The following TRPM6 variants were observed in gnomAD, a reference collection of about 807,000 sequenced individuals.
The protein encoded by TRPM6 is transient receptor potential cation channel subfamily M member 6, also known as channel kinase 2.
In TRPM6, 111 loss-of-function variants were observed where a neutral mutation model predicts 247.6. That is an observed-to-expected ratio of 0.45 (90% confidence interval 0.38 to 0.52). The LOEUF (loss-of-function observed/expected upper bound fraction) is 0.52. Ranked by LOEUF, TRPM6 falls within the 20% of genes least tolerant of loss-of-function variation. The pLI is 0.00. For missense variants in TRPM6, 2,126 were observed against 2,421.5 expected (o/e 0.88, Z 2.56); for synonymous variants, 892 against 853.8 (o/e 1.04, Z -0.78).
intron 17 of TRPM6, among the ~76,000 whole-genome samples, chr9:74,798,620 A>G (rs941894419): frequency 3.9e-5 from 6 of 152,094 alleles, no homozygotes; most frequent in Non-Finnish European, 8.8e-5. Context: ...TCCCATCCAC[A>G]TCTCTCTACA....
In TRPM6 at chr9:74,824,511, G is replaced by GAA. The variant is rs59044061; in HGVS notation, c.842-2676_842-2675dup. Among the ~76,000 whole-genome samples, 273 of 46,886 alleles carry GAA rather than the reference G, an allele frequency of 5.8e-3. 10 individuals carry two copies. The highest frequency in any genetic ancestry group is 0.022 in the Middle Eastern group (1 of 46). The allele number at this position is 46,886 out of a possible 152,430, so 30.8% of individuals were successfully genotyped here. On this transcript the variant is annotated intron_variant, in intron 7 of 38. Transcript: ENST00000360774. ...ATCAAATATATTTATGGCTTTTTCT[G>GAA]AAAAAAAAAAAAAAAAAAAAAAAAA... is the stretch of plus-strand genomic sequence containing the variant.
intron 36 of TRPM6, among the ~76,000 whole-genome samples, chr9:74,737,797 A>G (rs1825741934): frequency 6.6e-6 from 1 of 152,208 alleles, no homozygotes; most frequent in Admixed American, 6.5e-5. Context: ...GTTGACCTCA[A>G]TACATATTTT....
At chr9:74,732,499 T>A (rs879740307) in intron 37 of TRPM6, among the ~76,000 whole-genome samples, 186 bp downstream of exon 37, 24 of 152,198 alleles carry the variant, frequency 1.6e-4, no homozygotes, top group Non-Finnish European at 2.6e-4. Context: ...CATATTTCCA[T>A]ATTTTCCCCC....
rs1384868975 is a variant in TRPM6, at chr9:74,792,478, T to C, written c.2538+146A>G. 1.5e-5 allele frequency: 13 copies of C among 850,816 alleles called. No homozygotes were observed. In the African/African-American group the frequency reaches 2.0e-4, roughly 13 times the overall value. 52.7% of individuals were successfully genotyped at this position (850,816 alleles called of 1,614,324 possible). On this transcript the variant is annotated intron_variant, in intron 19 of 38. Transcript: ENST00000360774. The stretch of plus-strand genomic sequence containing the variant: ...TCTCCCTGCCTTCCTCCAGTCCTCT[T>C]TGCTACCTACTTTGTCATGCCCTCA...
In TRPM6 at chr9:74,738,515, T is replaced by G. The variant is rs758762067; in HGVS notation, c.5668A>C (p.Asn1890His). The change falls in exon 36 of 39, where the codon AAT (asparagine) becomes CAT (histidine). Residue 1890 changes from asparagine to histidine, a missense_variant. By Grantham distance (68) the Asn-to-His change is moderately conservative. This residue lies in a region of TRPM6 where 327 missense variants were observed against 397.7 expected (regional missense o/e 0.82). Transcript: ENST00000360774. ...TTGGTGGGGGTGATTTCATCACCATTGTTGTTGTTATACTTCCGGAACTCC... is the reference window on the plus strand; with the variant it reads ...TTGGTGGGGGTGATTTCATCACCATGGTTGTTGTTATACTTCCGGAACTCC... The part of the protein sequence containing the change: ...TGEFRKYNNN[N>H]GDEITPTNTL... 6.2e-7 allele frequency: 1 copy of G among 1,613,976 alleles called. No individual in the cohort carries two copies. Among genetic ancestry groups the G allele is most frequent in the African/African-American group, 1.3e-5 (1 of 74,906 alleles).
chr9:74,744,156 A>C lies in TRPM6; in HGVS notation c.5084-11T>G. ...AGGAGGCTGAGATCTCTGAAATTAG[A>C]GAGGAGATTGGCATTTTAATTACAT... is the stretch of plus-strand genomic sequence containing the variant. On this transcript the variant is annotated splice_polypyrimidine_tract_variant and intron_variant, in intron 31 of 38. Coordinates refer to ENST00000360774, the MANE Select transcript of TRPM6 (RefSeq NM_017662.5). 1 of 1,613,708 alleles carries C rather than the reference A, an allele frequency of 6.2e-7. No individual in the cohort carries two copies. Among genetic ancestry groups the C allele is most frequent in the Non-Finnish European group, 8.5e-7 (1 of 1,179,678 alleles).
chr9:74,864,995 C>G (rs889738785), intron 1 of TRPM6, among the ~76,000 whole-genome samples: 1 of 151,618 alleles, frequency 6.6e-6, no homozygotes, highest in African/African-American at 2.4e-5. Flanking sequence ...ATCGCTTGAA[C>G]CCAGGAGGTG....
intron 26 of TRPM6, 92 bp from the exon 27 acceptor site, chr9:74,761,900 C>T (rs910280223): frequency 1.0e-5 from 15 of 1,506,394 alleles, no homozygotes; most frequent in African/African-American, 1.4e-5. Context: ...GGGAGAATGA[C>T]AATGTGGTTA....
At position 74,737,412 on chromosome 9, in the gene TRPM6, C is replaced by T. The variant is rs983045508; in HGVS notation, c.5776+995G>A. ...GCTTATCTCTACATTCTCCAACCTC[C>T]AAGCCTGGCTTTCAGCATAGAATCC... On this transcript the variant is annotated intron_variant, in intron 36 of 38. Transcript: ENST00000360774. 4.7e-6 allele frequency: 6 copies of T among 1,289,770 alleles called. No homozygotes were observed. In the African/African-American group the frequency reaches 7.6e-5, roughly 16 times the overall value. 79.9% of individuals were successfully genotyped at this position (1,289,770 alleles called of 1,614,324 possible).
chr9:74,851,749 A>T (rs1474914501), intron 3 of TRPM6, among the ~76,000 whole-genome samples: 1 of 99,882 alleles, frequency 1.0e-5, no homozygotes, highest in Non-Finnish European at 2.2e-5. Flanking sequence ...ACTTTGTCTC[A>T]AAAAAAAAAA....
chr9:74,884,057 G>T (rs963678046), intron 1 of TRPM6, among the ~76,000 whole-genome samples: 1 of 152,222 alleles, frequency 6.6e-6, no homozygotes, highest in African/African-American at 2.4e-5. Context: ...GCTGAGGCAG[G>T]AGAATCGCTT....
At chr9:74,772,314 G>A (rs905030633) in intron 24 of TRPM6, among the ~76,000 whole-genome samples, 1 of 152,150 alleles carries the variant, frequency 6.6e-6, no homozygotes, top group African/African-American at 2.4e-5. Context: ...GGAAACACCA[G>A]CCTGGGTCTC....
At position 74,842,046 on chromosome 9, in the gene TRPM6, G is replaced by A. The variant is rs1164440384; in HGVS notation, c.330+120C>T. The A allele has an allele frequency of 1.0e-5, 11 of 1,090,782 alleles. No individual in the cohort carries two copies. In the Admixed American group the frequency reaches 2.0e-4, roughly 20 times the overall value. 67.6% of individuals were successfully genotyped at this position (1,090,782 alleles called of 1,614,324 possible). ...GAATCACTTGAACCCGGGAGGCAGA[G>A]GTTGCAGTGCGCCGAGATCGTGCCA... On this transcript the variant is annotated intron_variant, in intron 4 of 38. Coordinates refer to ENST00000360774, the MANE Select transcript of TRPM6 (RefSeq NM_017662.5).
chr9:74,827,957 A>T lies in TRPM6; in HGVS notation c.670-8T>A. ...CTGGTACAGGCACACCACCTGAGAG[A>T]CAGCAAGGACAAGGGAGGGTCAGAG... On this transcript the variant is annotated splice_polypyrimidine_tract_variant and splice_region_variant and intron_variant, in intron 6 of 38. Coordinates refer to ENST00000360774, the MANE Select transcript of TRPM6 (RefSeq NM_017662.5). 1.2e-6 allele frequency: 2 copies of T among 1,613,750 alleles called. No individual in the cohort carries two copies. The highest frequency in any genetic ancestry group is 2.7e-5 in the African/African-American group (2 of 75,002).
chr9:74,885,556 T>C (rs1831506174), intron 1 of TRPM6, among the ~76,000 whole-genome samples: 1 of 152,080 alleles, frequency 6.6e-6, no homozygotes, highest in Non-Finnish European at 1.5e-5. Flanking sequence ...AACTAAGAAG[T>C]AAAGAAAAAA....
At chr9:74,753,388 A>G (rs1826327380) in intron 28 of TRPM6, among the ~76,000 whole-genome samples, 1 of 152,130 alleles carries the variant, frequency 6.6e-6, no homozygotes, top group African/African-American at 2.4e-5. Flanking sequence ...GTATACAAGA[A>G]GTATAAAAAA....
intron 6 of TRPM6, among the ~76,000 whole-genome samples, chr9:74,829,119 C>A (rs1347710537): frequency 6.6e-6 from 1 of 151,860 alleles, no homozygotes; most frequent in East Asian, 1.9e-4. Context: ...ATGGTAAAAC[C>A]CTATCTCTAC....
Position 74,771,807 on chromosome 9 carries a change from T to C in TRPM6, c.3432A>G (p.Lys1144=), listed in dbSNP as rs1302656544. ...LKLYLSKEDL[K]KLHDFEEQCV... Reference sequence around the variant, plus strand: ...ACTGCTCCTCAAAATCATGAAGTTTTTTCAGATCCTCCTTACTGAGGTAGA... The same window carrying C: ...ACTGCTCCTCAAAATCATGAAGTTTCTTCAGATCCTCCTTACTGAGGTAGA... The change falls in exon 25 of 39, where the codon AAA becomes AAG. Residue 1144 remains lysine, a synonymous_variant. Transcript: ENST00000360774. The C allele has an allele frequency of 6.2e-7, 1 of 1,613,888 alleles. No homozygotes were observed. Among genetic ancestry groups the C allele is most frequent in the African/African-American group, 1.3e-5 (1 of 75,062 alleles).
In TRPM6 at chr9:74,762,313, A is replaced by ACATATCCACCTCCAGTTTG. The variant is rs1271205641; in HGVS notation, c.4339_4357dup (p.Val1453AlafsTer15). On this transcript the variant is annotated frameshift_variant, in exon 26 of 39. Coordinates refer to ENST00000360774, the MANE Select transcript of TRPM6 (RefSeq NM_017662.5). LOFTEE classifies it high-confidence loss of function. ...ATCACCTTCTGAAAATGCCCAGTTT[A>ACATATCCACCTCCAGTTTG]CATATCCACCTCCAGTTTGCATGAT... is the stretch of plus-strand genomic sequence containing the variant. 1 of 1,614,100 alleles carries ACATATCCACCTCCAGTTTG rather than the reference A, an allele frequency of 6.2e-7. No individual in the cohort carries two copies. The highest frequency in any genetic ancestry group is 8.5e-7 in the Non-Finnish European group (1 of 1,180,048).
Sources: allele counts gnomAD v4.1 joint callset (sites outside exome capture counted in the v4.1 genomes callset), GRCh38; gene constraint gnomAD v4.1.1; regional missense constraint gnomAD v4.1.1; transcripts MANE v1.5; gene names NCBI Gene and HGNC (gene_info 2026-07-23, HGNC 2026-07-21).